Variants in RANBP17 observed in about 807,000 individuals in gnomAD.
RANBP17 encodes RAN binding protein 17.
A neutral mutation model predicts 141.2 loss-of-function variants in RANBP17; 158 were observed. The ratio of observed to expected loss-of-function variants is 1.12; its 90% CI spans 0.98 to 1.28. The LOEUF is 1.28. RANBP17 is among the 50% of genes most tolerant of loss of function. The pLI is 0.00. For missense variants in RANBP17, 1,438 were observed against 1,290.7 expected, an observed-to-expected ratio of 1.11 and a Z score of -1.75; for synonymous variants, 430 against 450.0, an observed-to-expected ratio of 0.96 and a Z score of 0.56.
At chr5:170,983,539 A>T (rs541803592) in intron 14 of RANBP17, among the ~76,000 whole-genome samples, 2 of 152,310 alleles carry the variant, frequency 1.3e-5, no homozygotes, top group African/African-American at 4.8e-5. Context: ...TATATCAGGA[A>T]ATAGCTCTGT....
intron 14 of RANBP17, among the ~76,000 whole-genome samples, chr5:171,005,844 A>G (rs1249554012): frequency 3.2e-4 from 48 of 152,350 alleles, no homozygotes; most frequent in Non-Finnish European, 2.9e-5. Flanking sequence ...CAATCTACTC[A>G]TCTGACAAAG....
intron 14 of RANBP17, among the ~76,000 whole-genome samples, chr5:171,057,077 A>T (rs1019680347): frequency 1.3e-5 from 2 of 152,182 alleles, no homozygotes; most frequent in Non-Finnish European, 2.9e-5. Context: ...TATGACCTTA[A>T]GGTAAGATTC....
At position 171,044,001 on chromosome 5, in the gene RANBP17, T is replaced by A. The variant is rs1782417019; in HGVS notation, c.1710+75624T>A. Among the ~76,000 whole-genome samples the A allele has an allele frequency of 2.6e-5, 4 of 152,110 alleles. No homozygotes were observed. In the South Asian group the frequency reaches 8.3e-4, roughly 31 times the overall value. ...AAGGATCTATTTTAAAATCCTTACA[T>A]TTAAAATAAAAGTGCCTGTTTGACA... On this transcript the variant is annotated intron_variant, in intron 14 of 27. Transcript: ENST00000523189.
intron 14 of RANBP17, among the ~76,000 whole-genome samples, chr5:171,111,522 G>C (rs900221058): frequency 1.3e-5 from 2 of 152,018 alleles, no homozygotes; most frequent in African/African-American, 4.8e-5. Context: ...AGAGCTGTTA[G>C]TGCAGTCTCT....
Position 170,955,435 on chromosome 5 carries a change from T to A in RANBP17, c.1574+1733T>A, listed in dbSNP as rs143824218. ...TTCTTTTGTGATGATCTCTTCTAAC[T>A]TATTTGAAAGAGCTCAGTATATATA... On this transcript the variant is annotated intron_variant, in intron 13 of 27. Transcript: ENST00000523189. Among the ~76,000 whole-genome samples the A allele has an allele frequency of 3.6e-3, 523 of 144,266 alleles. 4 individuals are homozygous for A. The highest frequency in any genetic ancestry group is 0.012 in the African/African-American group (490 of 39,516). 94.6% of individuals were successfully genotyped at this position (144,266 alleles called of 152,430 possible).
At chr5:171,265,087 G>T (rs1206892356) in intron 24 of RANBP17, among the ~76,000 whole-genome samples, 1 of 152,180 alleles carries the variant, frequency 6.6e-6, no homozygotes, top group African/African-American at 2.4e-5. Context: ...AGAGCACTTT[G>T]CACTAAGTAG....
At chr5:170,915,895 A>G (rs1043167617) in intron 8 of RANBP17, among the ~76,000 whole-genome samples, 5 of 152,162 alleles carry the variant, frequency 3.3e-5, no homozygotes, top group African/African-American at 4.8e-5. Context: ...AGCCTATTAA[A>G]TGTATAGCAT....
rs566379967 is a variant in RANBP17, at chr5:170,957,236, T to C, written c.1574+3534T>C. The stretch of plus-strand genomic sequence containing the variant: ...ACGTATTGAACATGTTGAACTAAGA[T>C]TTGTGTTTTGGCCTGCATTCCCTGG... On this transcript the variant is annotated intron_variant, in intron 13 of 27. Transcript: ENST00000523189. Among the ~76,000 whole-genome samples, 24 of 152,112 alleles carry C rather than the reference T, an allele frequency of 1.6e-4. No homozygotes were observed. The South Asian group carries it at 5.0e-3, about 32-fold the overall frequency.
At chr5:171,072,953 C>A (rs947862462) in intron 14 of RANBP17, among the ~76,000 whole-genome samples, 1 of 151,834 alleles carries the variant, frequency 6.6e-6, no homozygotes, top group Non-Finnish European at 1.5e-5. Flanking sequence ...CTGAGCAAAG[C>A]TAGAACTAAA....
At chr5:171,277,637 G>GTATATATATATATATATATATATATATA (rs70982330) in intron 25 of RANBP17, among the ~76,000 whole-genome samples, 2 of 56,904 alleles carry the variant, frequency 3.5e-5, no homozygotes, top group Non-Finnish European at 6.7e-5. Context: ...ATATATGTAT[G>GTATATATATATATATATATATATATATA]TATATATATA....
chr5:171,165,638 G>C (rs960529630), intron 14 of RANBP17, among the ~76,000 whole-genome samples: 2 of 152,138 alleles, frequency 1.3e-5, no homozygotes, highest in Non-Finnish European at 2.9e-5. Context: ...TCACGACAGT[G>C]TTCTAAGACA....
chr5:171,030,989 T>G (rs1781516009), intron 14 of RANBP17, among the ~76,000 whole-genome samples: 1 of 152,032 alleles, frequency 6.6e-6, no homozygotes, highest in Non-Finnish European at 1.5e-5. Context: ...AACCAGTAGT[T>G]TTTTAGGTAG....
In RANBP17 at chr5:171,213,693, G is replaced by C. The variant is rs1325661583; in HGVS notation, c.2294G>C (p.Cys765Ser). 1 of 1,613,694 alleles carries C rather than the reference G, an allele frequency of 6.2e-7. No homozygotes were observed. Among genetic ancestry groups the C allele is most frequent in the Non-Finnish European group, 8.5e-7 (1 of 1,179,784 alleles). Reference sequence around the variant, plus strand: ...GAACGGTGGTATGGAGAGCCAACATGTACAACTCCCATCTTGAAACTTATG... The same window carrying C: ...GAACGGTGGTATGGAGAGCCAACATCTACAACTCCCATCTTGAAACTTATG... ...AVERWYGEPT[C>S]TTPILKLMAE... Residue 765 changes from cysteine to serine, a missense_variant, in exon 21 of 28, where the codon TGT becomes TCT. Cys to Ser is a moderately radical substitution (Grantham distance 112). Transcript: ENST00000523189.
intron 12 of RANBP17, 52 bp from the exon 13 acceptor site, chr5:170,953,545 C>A: frequency 8.3e-7 from 1 of 1,205,600 alleles, no homozygotes; most frequent in Non-Finnish European, 1.2e-6. Flanking sequence ...CCAAGATAAG[C>A]TACGTTTCTA....
intron 7 of RANBP17, among the ~76,000 whole-genome samples, chr5:170,912,067 C>T (rs571350474): frequency 5.9e-5 from 9 of 151,890 alleles, no homozygotes; most frequent in African/African-American, 1.2e-4. Flanking sequence ...GGAGAGGCCT[C>T]ATATTCATGG....
chr5:171,064,691 A>T (rs1235878779), intron 14 of RANBP17, among the ~76,000 whole-genome samples: 1 of 150,708 alleles, frequency 6.6e-6, no homozygotes, highest in African/African-American at 2.4e-5. Flanking sequence ...TAATTTTTGT[A>T]TTTTTTTTTC....
intron 4 of RANBP17, among the ~76,000 whole-genome samples, chr5:170,895,475 C>T (rs1315866018): frequency 6.6e-6 from 1 of 152,126 alleles, no homozygotes; most frequent in Non-Finnish European, 1.5e-5. Flanking sequence ...ATGTATTTAT[C>T]TCATTGCATT....
chr5:170,862,206 G>A (rs2127290543), intron 1 of RANBP17, among the ~76,000 whole-genome samples, 155 bp downstream of exon 1: 1 of 152,284 alleles, frequency 6.6e-6, no homozygotes, highest in African/African-American at 2.4e-5. Flanking sequence ...CCTAGCCGGG[G>A]ACCGGGACAC....
At chr5:170,999,299 G>T (rs1001918252) in intron 14 of RANBP17, among the ~76,000 whole-genome samples, 5 of 151,946 alleles carry the variant, frequency 3.3e-5, no homozygotes, top group Non-Finnish European at 7.4e-5. Context: ...TAAAAATTAA[G>T]CAGTTATAAA....
Sources: gnomAD v4.1 joint callset for allele counts (sites outside exome capture counted in the v4.1 genomes callset) on GRCh38, gnomAD v4.1.1 for gene constraint, MANE v1.5 for transcripts, NCBI Gene and HGNC (gene_info 2026-07-23, HGNC 2026-07-21) for gene names.